The following MYCBP2 variants were observed in gnomAD, a reference collection of about 807,000 sequenced individuals.
The protein encoded by MYCBP2 is MYC binding protein 2.
MYCBP2 carries 120 observed loss-of-function variants against 525.3 expected under a neutral mutation model. That is an observed-to-expected ratio of 0.23 (90% CI 0.20 to 0.27). The LOEUF (loss-of-function observed/expected upper bound fraction) is 0.27. Ranked by LOEUF, MYCBP2 falls within the 10% of genes least tolerant of loss-of-function variation. The probability of loss-of-function intolerance (pLI) is 1.00; values close to 1 mark genes in which losing one functional copy is unlikely to be tolerated. For synonymous variants in MYCBP2, 1,894 were observed against 1,955.8 expected (o/e 0.97, Z 0.83); for missense variants, 4,149 against 5,657.1 (o/e 0.73, Z 8.55).
At chr13:77,180,433 A>T in intron 33 of MYCBP2, 115 bp from the exon 34 acceptor site, 1 of 835,780 alleles carries the variant, frequency 1.2e-6, no homozygotes, top group Non-Finnish European at 1.8e-6. Flanking sequence ...AATCAGGGTC[A>T]ATTTCTACAA....
In MYCBP2 at chr13:77,266,483, C is replaced by T. The variant is rs78052178; in HGVS notation, c.1357+1358G>A. On this transcript the variant is annotated intron_variant, in intron 8 of 82. Coordinates refer to ENST00000544440, the MANE Select transcript of MYCBP2 (RefSeq NM_015057.5). ...TGTAGCATATGATCACACTTTTTTA[C>T]AAGTATGGACATATACACAAAGGAA... 3.1e-3 allele frequency among the ~76,000 whole-genome samples: 469 copies of T among 151,802 alleles called. 5 individuals carry two copies. The highest frequency in any genetic ancestry group is 0.011 in the African/African-American group (451 of 41,442).
At position 77,152,128 on chromosome 13, in the gene MYCBP2, C is replaced by T. The variant is rs186187608; in HGVS notation, c.6916-1179G>A. 4.3e-3 allele frequency among the ~76,000 whole-genome samples: 654 copies of T among 152,238 alleles called. 2 individuals are homozygous for T. The highest frequency in any genetic ancestry group is 0.014 in the African/African-American group (567 of 41,550). On this transcript the variant is annotated intron_variant, in intron 46 of 82. Coordinates refer to ENST00000544440, the MANE Select transcript of MYCBP2 (RefSeq NM_015057.5). ...TTTATGTTTATTGTTCTTAACAACG[C>T]GATTCTATGGAATCAGTAGTTTGAG...
At chr13:77,163,779 T>C (rs1342374454) in intron 43 of MYCBP2, among the ~76,000 whole-genome samples, 2 of 152,136 alleles carry the variant, frequency 1.3e-5, no homozygotes, top group Non-Finnish European at 2.9e-5. Context: ...ACATATTTCT[T>C]ATTGCATATA....
chr13:77,292,920 C>A (rs893132241), intron 2 of MYCBP2, among the ~76,000 whole-genome samples: 2 of 141,396 alleles, frequency 1.4e-5, no homozygotes, highest in Non-Finnish European at 3.0e-5. Flanking sequence ...TCGCACACCA[C>A]TGCACTCCAG....
intron 17 of MYCBP2, 145 bp from the exon 18 acceptor site, chr13:77,233,408 C>T: frequency 1.6e-6 from 1 of 608,076 alleles, no homozygotes; most frequent in Middle Eastern, 4.4e-4. Context: ...TTCCCCACTC[C>T]AGCCCCCCAC....
At position 77,044,876 on chromosome 13, in the gene MYCBP2, C is replaced by T. The variant is rs1409405644; in HGVS notation, c.*502G>A. ...TTTATATACAGTGTGATACTTATTACATTTATATGCTGTCCTAACACAATG... is the reference window on the plus strand; with the variant it reads ...TTTATATACAGTGTGATACTTATTATATTTATATGCTGTCCTAACACAATG... On this transcript the variant is annotated 3_prime_UTR_variant, in exon 83 of 83. Coordinates refer to ENST00000544440, the MANE Select transcript of MYCBP2 (RefSeq NM_015057.5). 7.5e-6 allele frequency: 3 copies of T among 398,924 alleles called. No homozygotes were observed. Among genetic ancestry groups the T allele is most frequent in the Admixed American group, 8.8e-5 (2 of 22,846 alleles). The allele number at this position is 398,924 out of a possible 1,614,324, so 24.7% of individuals were successfully genotyped here.
chr13:77,289,602 T>C lies in MYCBP2; in HGVS notation c.379-1226A>G, dbSNP rs1423738394. Among the ~76,000 whole-genome samples, 4 of 152,060 alleles carry C rather than the reference T, an allele frequency of 2.6e-5. No homozygotes were observed. In the South Asian group the frequency reaches 6.2e-4, roughly 24 times the overall value. The stretch of plus-strand genomic sequence containing the variant: ...AAAATAACCACAGCTAACATGGTAA[T>C]AGACTGAATGCTTTCCCTCTAAGAT... On this transcript the variant is annotated intron_variant, in intron 2 of 82. Transcript: ENST00000544440.
intron 54 of MYCBP2, among the ~76,000 whole-genome samples, chr13:77,122,293 G>A (rs2050853372): frequency 6.6e-6 from 1 of 151,984 alleles, no homozygotes; most frequent in Non-Finnish European, 1.5e-5. Context: ...AAATTGGGGG[G>A]AAAAGGTATT....
chr13:77,260,633 C>A (rs766447069), intron 12 of MYCBP2, 41 bp from the exon 13 acceptor site: 2 of 1,424,178 alleles, frequency 1.4e-6, no homozygotes, highest in South Asian at 1.3e-5. Context: ...CCTCTATGTA[C>A]AAATAATAAT....
At chr13:77,221,776 C>T (rs1309952719) in intron 20 of MYCBP2, among the ~76,000 whole-genome samples, 1 of 152,120 alleles carries the variant, frequency 6.6e-6, no homozygotes, top group Non-Finnish European at 1.5e-5. Flanking sequence ...AAAGTTGCCA[C>T]GTTCTTCCCC....
intron 18 of MYCBP2, among the ~76,000 whole-genome samples, chr13:77,231,900 C>CT (rs1178632728): frequency 1.3e-5 from 2 of 152,118 alleles, no homozygotes; most frequent in Non-Finnish European, 2.9e-5. Context: ...TGTATCTTTT[C>CT]TTTTTGGAAT....
At position 77,125,354 on chromosome 13, in the gene MYCBP2, A is replaced by G; in HGVS notation, c.7999T>C (p.Tyr2667His). ...AACTTGCCATCTTCATGTCGGAGGTACTGGTTTCCGCCTCTGTCTCTAGCT... is the reference window on the plus strand; with the variant it reads ...AACTTGCCATCTTCATGTCGGAGGTGCTGGTTTCCGCCTCTGTCTCTAGCT... ...SLARDRGGNQ[Y>H]LRHEDEQALL... The change falls in exon 54 of 83, where the codon TAC becomes CAC. Residue 2667 changes from tyrosine (Y) to histidine (H), a missense_variant. Coordinates refer to ENST00000544440, the MANE Select transcript of MYCBP2 (RefSeq NM_015057.5). The G allele has an allele frequency of 3.1e-6, 5 of 1,613,784 alleles. No individual in the cohort carries two copies. The highest frequency in any genetic ancestry group is 4.2e-6 in the Non-Finnish European group (5 of 1,179,776).
At chr13:77,193,424 T>C (rs1201801034) in intron 27 of MYCBP2, among the ~76,000 whole-genome samples, 2 of 152,160 alleles carry the variant, frequency 1.3e-5, no homozygotes, top group Non-Finnish European at 2.9e-5. Flanking sequence ...ACATTTTCAC[T>C]AGCAAGAAAA....
At chr13:77,211,749 C>T (rs946422724) in intron 22 of MYCBP2, among the ~76,000 whole-genome samples, 1 of 152,206 alleles carries the variant, frequency 6.6e-6, no homozygotes, top group Non-Finnish European at 1.5e-5. Context: ...CTCACAAATA[C>T]TGTGGTTTCC....
chr13:77,304,974 T>C (rs1245343018), intron 1 of MYCBP2, among the ~76,000 whole-genome samples: 1 of 151,922 alleles, frequency 6.6e-6, no homozygotes, highest in African/African-American at 2.4e-5. Flanking sequence ...AATATCTGAA[T>C]AGTCTTCTAT....
intron 2 of MYCBP2, among the ~76,000 whole-genome samples, chr13:77,294,108 A>ATATATATATG (rs1555465521): frequency 4.1e-5 from 2 of 48,258 alleles, no homozygotes; most frequent in Admixed American, 3.5e-4. Flanking sequence ...TAATGGCTAT[A>ATATATATATG]TATATATATA....
At chr13:77,118,825 T>C (rs921307624) in intron 55 of MYCBP2, among the ~76,000 whole-genome samples, 6 of 152,214 alleles carry the variant, frequency 3.9e-5, no homozygotes, top group African/African-American at 9.6e-5. Context: ...TGCTTCAATA[T>C]TGAACATATA....
intron 21 of MYCBP2, among the ~76,000 whole-genome samples, chr13:77,213,040 T>C (rs2064256301): frequency 6.6e-6 from 1 of 152,126 alleles, no homozygotes; most frequent in Non-Finnish European, 1.5e-5. Context: ...TGGAAGCAAC[T>C]GAGCTTCAAT....
At chr13:77,255,547 A>T (rs191505214) in intron 14 of MYCBP2, among the ~76,000 whole-genome samples, 58 of 152,058 alleles carry the variant, frequency 3.8e-4, no homozygotes, top group African/African-American at 7.2e-5. Flanking sequence ...ATTATATATT[A>T]AAAAAACCCG....
Sources: allele counts gnomAD v4.1 joint callset (sites outside exome capture counted in the v4.1 genomes callset), GRCh38; gene constraint gnomAD v4.1.1; transcripts MANE v1.5; gene names NCBI Gene and HGNC (gene_info 2026-07-23, HGNC 2026-07-21).